Variants in CASK observed in about 807,000 individuals in gnomAD.
CASK encodes peripheral plasma membrane protein CASK.
CASK carries 4 observed loss-of-function variants against 82.9 expected under a neutral mutation model. The ratio of observed to expected loss-of-function variants is 0.05; its 90% confidence interval spans 0.02 to 0.11. The LOEUF (loss-of-function observed/expected upper bound fraction) is 0.11, where lower values mean the gene tolerates loss of function less well. CASK is among the 10% of genes least tolerant of loss of function. CASK has a pLI of 1.00. For synonymous variants in CASK, 259 were observed against 253.5 expected (o/e 1.02, Z -0.20); for missense variants, 358 against 720.9 (o/e 0.50, Z 5.76).
chrX:41,765,242 T>C (rs1260512045), intron 3 of CASK, among the ~76,000 whole-genome samples: 1 of 112,178 alleles, frequency 8.9e-6, no homozygotes, highest in Non-Finnish European at 1.9e-5. Context: ...TATGACTCTC[T>C]TTGTCTAGCC....
At chrX:41,692,156 G>C (rs991437375) in intron 5 of CASK, among the ~76,000 whole-genome samples, 84 of 112,293 alleles carry the variant, frequency 7.5e-4, no homozygotes, top group Non-Finnish European at 2.4e-4. Flanking sequence ...TTAACACAGT[G>C]TCTGGTACAC....
At chrX:41,902,062 T>G (rs950275921) in intron 1 of CASK, among the ~76,000 whole-genome samples, 2 of 111,248 alleles carry the variant, frequency 1.8e-5, no homozygotes, top group African/African-American at 6.6e-5. Context: ...GGGGTGGGTT[T>G]GGAACCTGAG....
intron 1 of CASK, among the ~76,000 whole-genome samples, chrX:41,857,990 C>T (rs2071403451): frequency 8.9e-6 from 1 of 112,278 alleles, no homozygotes; most frequent in South Asian, 3.7e-4. Context: ...AATTCAACAT[C>T]CAGCCAGACC....
intron 12 of CASK, among the ~76,000 whole-genome samples, chrX:41,605,944 G>A (rs922882972): frequency 3.1e-4 from 35 of 111,700 alleles, no homozygotes; most frequent in Non-Finnish European, 3.4e-4. Flanking sequence ...CTCCCAAAGT[G>A]CTGAGATTAT....
At chrX:41,705,525 A>G (rs771527431) in intron 5 of CASK, among the ~76,000 whole-genome samples, 24 of 111,392 alleles carry the variant, frequency 2.2e-4, no homozygotes, top group African/African-American at 7.5e-4. Flanking sequence ...ACTGCACTCA[A>G]GCCTGGGTGA....
chrX:41,613,045 T>C (rs1359909093), intron 11 of CASK, among the ~76,000 whole-genome samples: 9 of 99,672 alleles, frequency 9.0e-5, no homozygotes, highest in African/African-American at 2.7e-4. Context: ...CTGCCCCGTC[T>C]GGGAGGTGAG....
chrX:41,764,572 T>C (rs62589167), intron 3 of CASK, among the ~76,000 whole-genome samples: 18,985 of 111,106 alleles, frequency 0.17, 1,467 homozygotes, highest in Middle Eastern at 0.3. Flanking sequence ...GGCACCATCA[T>C]ATATCAGGTG....
chrX:41,557,273 A>C (rs1233465889), intron 18 of CASK, among the ~76,000 whole-genome samples, 173 bp from the exon 19 acceptor site: 1 of 111,974 alleles, frequency 8.9e-6, no homozygotes, highest in Non-Finnish European at 1.9e-5. Flanking sequence ...AAAATTTTGC[A>C]GTTCGAAGGC....
chrX:41,534,544 G>A (rs1470928897), intron 24 of CASK, among the ~76,000 whole-genome samples, 162 bp downstream of exon 24: 1 of 109,766 alleles, frequency 9.1e-6, no homozygotes, highest in Admixed American at 9.8e-5. Flanking sequence ...AAGAGGGGTT[G>A]GGATTACTGT....
chrX:41,913,343 TATA>T (rs1304167787), intron 1 of CASK, among the ~76,000 whole-genome samples: 1 of 111,752 alleles, frequency 8.9e-6, no homozygotes, highest in East Asian at 2.8e-4. Context: ...AAACTTAAAG[TATA>T]ATAATAATAA....
rs1429522239 is a variant in CASK, at chrX:41,516,977, C to T, written c.*3443G>A. The T allele has an allele frequency of 1.8e-5, 2 of 111,720 alleles. No homozygotes were observed. The highest frequency in any genetic ancestry group is 7.5e-4 in the South Asian group (2 of 2,681). 9.2% of individuals were successfully genotyped at this position (111,720 alleles called of 1,213,427 possible). ...TCTTCCTGGAGGGTGGTTCAATTGA[C>T]TAAACTTTTTCAAGAAATAAACTTG... On this transcript the variant is annotated 3_prime_UTR_variant, in exon 27 of 27. Transcript: ENST00000378163.
At chrX:41,601,466 T>C (rs2065892799) in intron 12 of CASK, among the ~76,000 whole-genome samples, 1 of 112,035 alleles carries the variant, frequency 8.9e-6, no homozygotes, top group Non-Finnish European at 1.9e-5. Context: ...AATTTGGACT[T>C]CTTCCATAAG....
At chrX:41,800,213 C>T (rs1461113126) in intron 2 of CASK, among the ~76,000 whole-genome samples, 1 of 110,497 alleles carries the variant, frequency 9.1e-6, no homozygotes, top group Non-Finnish European at 1.9e-5. Context: ...AGATATCATA[C>T]TCCCTGGTTT....
intron 1 of CASK, among the ~76,000 whole-genome samples, chrX:41,898,691 A>C (rs1160376562): frequency 9.0e-6 from 1 of 111,469 alleles, no homozygotes; most frequent in Non-Finnish European, 1.9e-5. Context: ...TCTTTGATCC[A>C]CTGGTTGTTC....
At chrX:41,770,361 C>CATCT (rs2147793113) in intron 3 of CASK, among the ~76,000 whole-genome samples, 1 of 108,410 alleles carries the variant, frequency 9.2e-6, no homozygotes, top group Admixed American at 1.0e-4. Context: ...TCCATCCATC[C>CATCT]GTTTTTTGAG....
intron 1 of CASK, among the ~76,000 whole-genome samples, chrX:41,853,513 C>G (rs1485286644): frequency 8.9e-6 from 1 of 111,815 alleles, no homozygotes. Flanking sequence ...GTCTTATGCT[C>G]AAGGCAAATA....
Position 41,922,977 on chromosome X carries a change from G to T in CASK, c.12C>A (p.Asp4Glu). The change falls in exon 1 of 27, where the codon GAC becomes GAA. Residue 4 changes from aspartate to glutamate, a missense_variant. Asp to Glu is a conservative substitution (Grantham distance 45). Around this residue, in one of 5 missense-constraint regions of CASK, gnomAD observed 70 missense variants for 228.4 expected, o/e 0.31. Coordinates refer to ENST00000378163, the MANE Select transcript of CASK (RefSeq NM_001367721.1). ...CGTACACATCCTCGAACAGCACGTC[G>T]TCGTCGGCCATGGTCCGGAGGGGAT... MAD[D>E]DVLFEDVYEL... The T allele has an allele frequency of 8.3e-7, 1 of 1,210,755 alleles. No individual in the cohort carries two copies. Among genetic ancestry groups the T allele is most frequent in the Non-Finnish European group, 1.1e-6 (1 of 894,746 alleles).
intron 8 of CASK, among the ~76,000 whole-genome samples, chrX:41,656,602 A>G (rs956673008): frequency 1.8e-5 from 2 of 111,275 alleles, no homozygotes; most frequent in African/African-American, 3.3e-5. Flanking sequence ...TGTCTAAAAC[A>G]GGGGGAGATG....
chrX:41,866,148 C>T (rs2147999455), intron 1 of CASK, among the ~76,000 whole-genome samples: 1 of 112,616 alleles, frequency 8.9e-6, no homozygotes, highest in Non-Finnish European at 1.9e-5. Context: ...AACCACCCGT[C>T]ATGGCCCCAG....
Sources: allele counts gnomAD v4.1 joint callset (sites outside exome capture counted in the v4.1 genomes callset), GRCh38; gene constraint gnomAD v4.1.1; regional missense constraint gnomAD v4.1.1; transcripts MANE v1.5; gene names NCBI Gene and HGNC (gene_info 2026-07-23, HGNC 2026-07-21).